SLIT3: variants seen among roughly 807,000 people sequenced by gnomAD.
SLIT3 encodes slit homolog 3 protein.
Under a neutral mutation model 184.0 loss-of-function variants are expected in SLIT3, and 68 were observed. That is an observed-to-expected ratio of 0.37 (90% CI 0.30 to 0.45). SLIT3 has a LOEUF of 0.45. Among genes scored for constraint, SLIT3 ranks in the 20% least tolerant of loss-of-function variants. The pLI is 1.00. For synonymous variants in SLIT3, 831 were observed against 828.6 expected (o/e 1.00, Z -0.05); for missense variants, 1,707 against 2,026.0 (o/e 0.84, Z 3.02).
chr5:169,153,861 T>C (rs1480145519), intron 4 of SLIT3, among the ~76,000 whole-genome samples: 1 of 152,176 alleles, frequency 6.6e-6, no homozygotes, highest in Non-Finnish European at 1.5e-5. Context: ...TCGGCCAGAC[T>C]CCATCAAGGT....
intron 1 of SLIT3, among the ~76,000 whole-genome samples, chr5:169,298,932 T>G (rs1311402559): frequency 6.6e-6 from 1 of 152,260 alleles, no homozygotes; most frequent in Non-Finnish European, 1.5e-5. Context: ...CACTAACTCA[T>G]GTGGCTAGCA....
At chr5:169,093,492 A>C (rs1274030908) in intron 4 of SLIT3, among the ~76,000 whole-genome samples, 1 of 152,130 alleles carries the variant, frequency 6.6e-6, no homozygotes, top group Admixed American at 6.5e-5. Context: ...TGGGAGACAG[A>C]AGCTGATTGG....
chr5:168,748,518 A>G (rs1754583468), intron 19 of SLIT3, 84 bp from the exon 20 acceptor site: 1 of 1,354,644 alleles, frequency 7.4e-7, no homozygotes, highest in Admixed American at 3.1e-5. Context: ...CGTGTTCTCC[A>G]CAAAGACAAG....
At chr5:168,719,539 T>C (rs531689158) in intron 23 of SLIT3, among the ~76,000 whole-genome samples, 1 of 152,362 alleles carries the variant, frequency 6.6e-6, no homozygotes, top group South Asian at 2.1e-4. Flanking sequence ...ATAAGCACTT[T>C]CCCACATTGC....
chr5:168,933,459 T>C (rs904327734), intron 4 of SLIT3, among the ~76,000 whole-genome samples: 2 of 152,110 alleles, frequency 1.3e-5, no homozygotes, highest in African/African-American at 4.8e-5. Flanking sequence ...GGGGAATTGC[T>C]TGAACCCGGG....
intron 5 of SLIT3, among the ~76,000 whole-genome samples, chr5:168,868,233 T>C (rs552620176): frequency 4.6e-5 from 7 of 152,212 alleles, no homozygotes; most frequent in Admixed American, 1.3e-4. Flanking sequence ...ATTGTATTTA[T>C]TGAGCACCTA....
At chr5:169,224,569 T>C (rs967595682) in intron 3 of SLIT3, among the ~76,000 whole-genome samples, 16 of 152,224 alleles carry the variant, frequency 1.1e-4, no homozygotes, top group South Asian at 6.2e-4. Context: ...GGTCTCACCA[T>C]GTGGTCCATA....
intron 1 of SLIT3, among the ~76,000 whole-genome samples, chr5:169,297,179 C>A (rs1767528726): frequency 6.6e-6 from 1 of 152,208 alleles, no homozygotes; most frequent in Admixed American, 6.5e-5. Context: ...ACACTGAATT[C>A]TTCTCTGCAT....
chr5:169,063,007 TTCTTG>T (rs1758229000), intron 4 of SLIT3, among the ~76,000 whole-genome samples: 1 of 152,246 alleles, frequency 6.6e-6, no homozygotes, highest in Non-Finnish European at 1.5e-5. Flanking sequence ...ATATAAACTG[TTCTTG>T]TTTGAACTGT....
chr5:168,920,418 A>C (rs903317075), intron 4 of SLIT3, among the ~76,000 whole-genome samples: 29 of 152,264 alleles, frequency 1.9e-4, no homozygotes, highest in African/African-American at 7.0e-4. Flanking sequence ...ATAGCCACAC[A>C]CACCTGGGCT....
At chr5:169,173,815 G>A (rs183471544) in intron 4 of SLIT3, among the ~76,000 whole-genome samples, 5 of 152,320 alleles carry the variant, frequency 3.3e-5, no homozygotes, top group East Asian at 3.9e-4. Context: ...CCTGCTCAGC[G>A]CTCCTGCTGG....
chr5:169,234,486 A>C (rs1239888505), intron 3 of SLIT3, among the ~76,000 whole-genome samples: 1 of 152,130 alleles, frequency 6.6e-6, no homozygotes, highest in East Asian at 1.9e-4. Context: ...GGCTCACCTC[A>C]ACCTCCACCT....
Position 168,806,410 on chromosome 5 carries a change from C to T in SLIT3, c.935+36G>A, listed in dbSNP as rs114662232. On this transcript the variant is annotated intron_variant, in intron 9 of 35. Transcript: ENST00000519560. ...TGGGACAGGGAGCTGAATTCTCCGG[C>T]GACAGTTGTTGGGGGTGTCAGACAG... 8,871 of 1,612,496 alleles carry T rather than the reference C, an allele frequency of 5.5e-3. 33 individuals carry two copies. Among genetic ancestry groups the T allele is most frequent in the Non-Finnish European group, 6.7e-3 (7,943 of 1,178,772 alleles).
intron 5 of SLIT3, among the ~76,000 whole-genome samples, chr5:168,853,808 C>T (rs1478442154): frequency 1.3e-5 from 2 of 152,202 alleles, no homozygotes; most frequent in African/African-American, 4.8e-5. Flanking sequence ...TGTGAATACA[C>T]CAAGTACTTT....
At chr5:168,935,087 G>A (rs1201901686) in intron 4 of SLIT3, among the ~76,000 whole-genome samples, 3 of 140,542 alleles carry the variant, frequency 2.1e-5, no homozygotes, top group African/African-American at 8.0e-5. Context: ...GTAGGGAGCC[G>A]ACATCGCACC....
At chr5:169,256,691 C>G (rs113808640) in intron 1 of SLIT3, among the ~76,000 whole-genome samples, 1 of 152,174 alleles carries the variant, frequency 6.6e-6, no homozygotes, top group African/African-American at 2.4e-5. Flanking sequence ...AATGGAACCC[C>G]ATTCACATGG....
At chr5:168,951,095 C>T (rs1762637470) in intron 4 of SLIT3, among the ~76,000 whole-genome samples, 1 of 152,152 alleles carries the variant, frequency 6.6e-6, no homozygotes, top group African/African-American at 2.4e-5. Context: ...TGACAGCTGC[C>T]TGTAATCCCG....
At chr5:169,270,260 C>A (rs1045088298) in intron 1 of SLIT3, among the ~76,000 whole-genome samples, 3 of 152,318 alleles carry the variant, frequency 2.0e-5, no homozygotes, top group Non-Finnish European at 4.4e-5. Context: ...AGGACCGAGT[C>A]TAATCCTAAG....
chr5:168,766,315 G>T (rs1156518616), intron 14 of SLIT3, among the ~76,000 whole-genome samples: 1 of 152,234 alleles, frequency 6.6e-6, no homozygotes, highest in East Asian at 1.9e-4. Context: ...GAGGAATTGG[G>T]GGGAGCGTAA....
Sources: gnomAD v4.1 joint callset for allele counts (sites outside exome capture counted in the v4.1 genomes callset) on GRCh38, gnomAD v4.1.1 for gene constraint, MANE v1.5 for transcripts, NCBI Gene and HGNC (gene_info 2026-07-23, HGNC 2026-07-21) for gene names.